Variants in SPHKAP observed in about 807,000 individuals in gnomAD.
SPHKAP encodes the protein A-kinase anchor protein SPHKAP.
In SPHKAP, 67 loss-of-function variants were observed where a neutral mutation model predicts 137.5. The observed-to-expected ratio is 0.49, with a 90% CI of 0.40 to 0.60. The LOEUF (loss-of-function observed/expected upper bound fraction) is 0.60, where lower values mean the gene tolerates loss of function less well. SPHKAP is among the 20% of genes least tolerant of loss of function. SPHKAP has a pLI of 0.00. For missense variants in SPHKAP, 2,097 were observed against 2,069.3 expected (o/e 1.01, Z -0.26); for synonymous variants, 813 against 785.3 (o/e 1.04, Z -0.59).
At chr2:228,104,609 A>G (rs982581272) in intron 3 of SPHKAP, among the ~76,000 whole-genome samples, 1 of 152,060 alleles carries the variant, frequency 6.6e-6, no homozygotes, top group Admixed American at 6.6e-5. Context: ...AGCAGCTATA[A>G]AACATCTCAG....
intron 1 of SPHKAP, among the ~76,000 whole-genome samples, chr2:228,180,165 A>G (rs1700858742): frequency 6.6e-6 from 1 of 151,980 alleles, no homozygotes; most frequent in African/African-American, 2.4e-5. Context: ...GAGGGTGGGG[A>G]TTGAGACTTC....
chr2:228,153,839 A>G (rs1700013068), intron 1 of SPHKAP, among the ~76,000 whole-genome samples: 1 of 152,208 alleles, frequency 6.6e-6, no homozygotes, highest in Admixed American at 6.6e-5. Context: ...GTTGGGAAAA[A>G]CACAGAGAAG....
chr2:228,031,776 T>C (rs2106239836), intron 3 of SPHKAP, among the ~76,000 whole-genome samples: 1 of 152,262 alleles, frequency 6.6e-6, no homozygotes, highest in African/African-American at 2.4e-5. Flanking sequence ...ACAAACATGG[T>C]CTGGAATGGA....
intron 2 of SPHKAP, among the ~76,000 whole-genome samples, chr2:228,129,805 T>C (rs1276430921): frequency 6.6e-6 from 1 of 150,518 alleles, no homozygotes; most frequent in African/African-American, 2.4e-5. Flanking sequence ...TTTCTTTTTT[T>C]TTTTTTTTTG....
chr2:228,168,889 T>G (rs1188234507), intron 1 of SPHKAP, among the ~76,000 whole-genome samples: 1 of 152,108 alleles, frequency 6.6e-6, no homozygotes, highest in African/African-American at 2.4e-5. Context: ...TTAAAAGTGA[T>G]AATCCAGGGA....
At chr2:228,034,138 C>T (rs954646232) in intron 3 of SPHKAP, among the ~76,000 whole-genome samples, 4 of 151,824 alleles carry the variant, frequency 2.6e-5, no homozygotes, top group Non-Finnish European at 1.5e-5. Flanking sequence ...GCTAGCAAGA[C>T]TAATAAAGAA....
chr2:228,052,159 G>A (rs1696278108), intron 3 of SPHKAP, among the ~76,000 whole-genome samples: 1 of 151,596 alleles, frequency 6.6e-6, no homozygotes, highest in Non-Finnish European at 1.5e-5. Context: ...GGAAGATAAA[G>A]TCAAGGGGGA....
At chr2:228,002,176 A>G (rs999468587) in intron 7 of SPHKAP, among the ~76,000 whole-genome samples, 9 of 152,196 alleles carry the variant, frequency 5.9e-5, no homozygotes, top group African/African-American at 2.2e-4. Flanking sequence ...ACTAGTTTAC[A>G]GTCCCACCAA....
At chr2:228,031,782 A>G (rs994696371) in intron 3 of SPHKAP, among the ~76,000 whole-genome samples, 2 of 152,254 alleles carry the variant, frequency 1.3e-5, no homozygotes, top group African/African-American at 2.4e-5. Flanking sequence ...ATGGTCTGGA[A>G]TGGACCTCTA....
In SPHKAP at chr2:228,111,991, A is replaced by G. The variant is rs1039514624; in HGVS notation, c.139-3052T>C. Among the ~76,000 whole-genome samples, 3 of 152,224 alleles carry G rather than the reference A, an allele frequency of 2.0e-5. No homozygotes were observed. The East Asian group carries it at 5.8e-4, about 29-fold the overall frequency. ...TGAGGTGACAATTTTCTTGAAAGAG[A>G]GGAAACTTTTTGTGATGTAAATTAT... is the stretch of plus-strand genomic sequence containing the variant. On this transcript the variant is annotated intron_variant, in intron 2 of 11. Coordinates refer to ENST00000392056, the MANE Select transcript of SPHKAP (RefSeq NM_001142644.2).
At chr2:228,175,201 G>A (rs952423850) in intron 1 of SPHKAP, among the ~76,000 whole-genome samples, 1 of 152,004 alleles carries the variant, frequency 6.6e-6, no homozygotes, top group Non-Finnish European at 1.5e-5. Flanking sequence ...TGAAGTCACA[G>A]ATCCAAGAAG....
intron 1 of SPHKAP, among the ~76,000 whole-genome samples, chr2:228,142,343 T>C (rs1699631661): frequency 1.3e-5 from 2 of 151,664 alleles, no homozygotes; most frequent in South Asian, 4.1e-4. Flanking sequence ...ATTCTGTTAA[T>C]TAAAATAAGG....
intron 1 of SPHKAP, among the ~76,000 whole-genome samples, chr2:228,180,400 G>T (rs903529602): frequency 7.0e-6 from 1 of 142,712 alleles, no homozygotes; most frequent in Non-Finnish European, 1.5e-5. Flanking sequence ...CCCTCCCACC[G>T]CATCTCGGCT....
intron 3 of SPHKAP, among the ~76,000 whole-genome samples, chr2:228,033,179 G>T (rs1438814213): frequency 1.3e-5 from 2 of 152,046 alleles, no homozygotes; most frequent in Non-Finnish European, 2.9e-5. Flanking sequence ...AAGGGATGGA[G>T]GAAGATCTAC....
At chr2:227,993,224 A>T (rs6750111) in intron 9 of SPHKAP, among the ~76,000 whole-genome samples, 72,234 of 152,058 alleles carry the variant, frequency 0.48, 17,517 homozygotes, top group East Asian at 0.66. Context: ...TCCTCTTTAG[A>T]TGGCATGGTA....
chr2:228,022,271 T>G lies in SPHKAP; in HGVS notation c.442-305A>C, dbSNP rs979685566. Reference sequence around the variant, plus strand: ...AAGTTAAACAGGCAAAGAAGATTTTTATTTGAGGCTATTAAAATAGGGAAG... The same window carrying G: ...AAGTTAAACAGGCAAAGAAGATTTTGATTTGAGGCTATTAAAATAGGGAAG... On this transcript the variant is annotated intron_variant, in intron 5 of 11. Coordinates refer to ENST00000392056, the MANE Select transcript of SPHKAP (RefSeq NM_001142644.2). 3.7e-6 allele frequency: 3 copies of G among 810,042 alleles called. No individual in the cohort carries two copies. The African/African-American group carries it at 5.6e-5, about 15-fold the overall frequency. The allele number at this position is 810,042 out of a possible 1,614,324, so 50.2% of individuals were successfully genotyped here. A position where few individuals can be genotyped will look rare whatever the true frequency, so the allele number is the denominator to read the frequency against.
intron 2 of SPHKAP, among the ~76,000 whole-genome samples, chr2:228,121,101 T>G (rs1369820276): frequency 6.6e-6 from 1 of 152,202 alleles, no homozygotes; most frequent in Non-Finnish European, 1.5e-5. Context: ...TTATTTTGTG[T>G]TGGTATGCAA....
At chr2:228,088,402 C>A (rs1697611265) in intron 3 of SPHKAP, among the ~76,000 whole-genome samples, 1 of 151,974 alleles carries the variant, frequency 6.6e-6, no homozygotes, top group African/African-American at 2.4e-5. Flanking sequence ...AGTATTACAG[C>A]AACCACTAAG....
chr2:228,165,238 A>G (rs958941989), intron 1 of SPHKAP, among the ~76,000 whole-genome samples: 3 of 151,986 alleles, frequency 2.0e-5, no homozygotes, highest in African/African-American at 7.2e-5. Flanking sequence ...CAGACTAGAC[A>G]TGTATCCATT....
Sources: allele counts gnomAD v4.1 joint callset (sites outside exome capture counted in the v4.1 genomes callset), GRCh38; gene constraint gnomAD v4.1.1; transcripts MANE v1.5; gene names NCBI Gene and HGNC (gene_info 2026-07-23, HGNC 2026-07-21).